TMEM127: variants seen among roughly 807,000 people sequenced by gnomAD.
The protein encoded by TMEM127 is transmembrane protein 127.
A neutral mutation model predicts 20.1 loss-of-function variants in TMEM127; 21 were observed. The observed-to-expected ratio is 1.04, with a 90% CI of 0.74 to 1.50. TMEM127 has a LOEUF of 1.50. Ranked by LOEUF, TMEM127 falls within the 40% of genes most tolerant of loss-of-function variation. The probability of loss-of-function intolerance (pLI) is 0.00; values close to 1 mark genes in which losing one functional copy is unlikely to be tolerated. For synonymous variants in TMEM127, 150 were observed against 144.7 expected (o/e 1.04, Z -0.26); for missense variants, 303 against 317.4 (o/e 0.95, Z 0.34).
chr2:96,264,260 A>T (rs574328836), intron 2 of TMEM127, among the ~76,000 whole-genome samples: 38 of 152,322 alleles, frequency 2.5e-4, no homozygotes, highest in Admixed American at 1.0e-3. Flanking sequence ...ATCTAACAGG[A>T]AGTGCTTCTG....
Position 96,250,341 on chromosome 2 carries a change from C to T in TMEM127, c.*3467G>A, listed in dbSNP as rs144342199. 6 of 232,846 alleles carry T rather than the reference C, an allele frequency of 2.6e-5. No homozygotes were observed. Among genetic ancestry groups the T allele is most frequent in the African/African-American group, 1.3e-4 (6 of 45,434 alleles). The allele number at this position is 232,846 out of a possible 1,614,324, so 14.4% of individuals were successfully genotyped here. ...ACTCCCACATCAAGTGTGGCTCAAG[C>T]TGCGTCCTCCAGGAAGCCTTTCATT... On this transcript the variant is annotated 3_prime_UTR_variant, in exon 4 of 4. Transcript: ENST00000258439.
At chr2:96,264,072 A>C (rs1026841937) in intron 2 of TMEM127, among the ~76,000 whole-genome samples, 3 of 152,140 alleles carry the variant, frequency 2.0e-5, no homozygotes, top group Non-Finnish European at 4.4e-5. Flanking sequence ...AGCTTCTAAA[A>C]CTCAAGAGAG....
intron 2 of TMEM127, among the ~76,000 whole-genome samples, chr2:96,263,110 G>A (rs1346597082): frequency 6.7e-6 from 1 of 150,238 alleles, no homozygotes; most frequent in African/African-American, 2.5e-5. Context: ...GGAGTGCAGT[G>A]GTGTGATCTT....
chr2:96,262,149 C>G lies in TMEM127; in HGVS notation c.244+2989G>C, dbSNP rs549471113. On this transcript the variant is annotated intron_variant, in intron 2 of 3. Coordinates refer to ENST00000258439, the MANE Select transcript of TMEM127 (RefSeq NM_017849.4). ...GGTGGAGCACCTGTAATTCCAACTA[C>G]TCGTGAGGCTGAGACAGGAGAATTG... Among the ~76,000 whole-genome samples, 152 of 152,086 alleles carry G rather than the reference C, an allele frequency of 1.0e-3. 4 individuals carry two copies. In the South Asian group the frequency reaches 0.031, roughly 31 times the overall value.
At chr2:96,254,367 C>A (rs953638496) in intron 3 of TMEM127, among the ~76,000 whole-genome samples, 7 of 152,134 alleles carry the variant, frequency 4.6e-5, no homozygotes, top group African/African-American at 1.7e-4. Context: ...AGCTTGGGAG[C>A]TGGAGTAGGC....
intron 2 of TMEM127, among the ~76,000 whole-genome samples, chr2:96,263,637 TATAA>T (rs139551917): frequency 2.2e-4 from 34 of 152,266 alleles, no homozygotes; most frequent in African/African-American, 7.0e-4. Flanking sequence ...GGATAAAAAC[TATAA>T]ATGACACGGC....
At position 96,257,358 on chromosome 2, in the gene TMEM127, G is replaced by A. The variant is rs191090018; in HGVS notation, c.245-2361C>T. Among the ~76,000 whole-genome samples the A allele has an allele frequency of 3.0e-3, 450 of 151,712 alleles. 1 individual carries two copies. The highest frequency in any genetic ancestry group is 5.1e-3 in the Non-Finnish European group (345 of 67,870). ...GCGCCTGTAGTCCCAGCTACTCGGG[G>A]GGCTGAGGCAGGAGAATCGCTTGAA... On this transcript the variant is annotated intron_variant, in intron 2 of 3. Transcript: ENST00000258439.
chr2:96,262,465 T>C (rs1485976204), intron 2 of TMEM127, among the ~76,000 whole-genome samples: 1 of 152,102 alleles, frequency 6.6e-6, no homozygotes. Flanking sequence ...GGAGAGAAGA[T>C]GCAATCAAGG....
rs190455520 is a variant in TMEM127 at position 96,249,933 on chromosome 2, G to A, written c.*3875C>T. The A allele has an allele frequency of 5.1e-5, 12 of 233,158 alleles. No homozygotes were observed. Among genetic ancestry groups the A allele is most frequent in the South Asian group, 1.8e-4 (1 of 5,524 alleles). The allele number at this position is 233,158 out of a possible 1,614,324, so 14.4% of individuals were successfully genotyped here. ...GCTTCTCGTGTGCGGGCCCCTCTTC[G>A]CCTGTGCAGTTGATGCCACCTTCCA... On this transcript the variant is annotated 3_prime_UTR_variant, in exon 4 of 4. Coordinates refer to ENST00000258439, the MANE Select transcript of TMEM127 (RefSeq NM_017849.4).
At chr2:96,256,511 C>A (rs1164898583) in intron 2 of TMEM127, among the ~76,000 whole-genome samples, 1 of 143,058 alleles carries the variant, frequency 7.0e-6, no homozygotes, top group African/African-American at 2.6e-5. Flanking sequence ...ATGGAGGTTG[C>A]GGTGAGCCGA....
rs72937657 is a variant in TMEM127 at position 96,262,509 on chromosome 2, G to A, written c.244+2629C>T. Among the ~76,000 whole-genome samples the A allele has an allele frequency of 2.5e-3, 375 of 152,284 alleles. 2 individuals carry two copies. The highest frequency in any genetic ancestry group is 8.5e-3 in the African/African-American group (352 of 41,548). ...ATTCCTTACTGATTCTTCTGTGATA[G>A]CTCATGAGGCACCACTGCCAACTCT... On this transcript the variant is annotated intron_variant, in intron 2 of 3. Coordinates refer to ENST00000258439, the MANE Select transcript of TMEM127 (RefSeq NM_017849.4).
rs995979769 is a variant in TMEM127, at chr2:96,265,249, A to T, written c.133T>A (p.Cys45Ser). The stretch of plus-strand genomic sequence containing the variant: ...CAGGCGGGCTCGGCGAGGGCAGTGC[A>T]CAGCGCCGTGATAGACAGGGCGCCA... ...LPGALSITAL[C>S]TALAEPAWLH... Residue 45 changes from cysteine (C) to serine (S), a missense_variant, in exon 2 of 4, where the codon TGC becomes AGC. Coordinates refer to ENST00000258439, the MANE Select transcript of TMEM127 (RefSeq NM_017849.4). 29 of 1,594,012 alleles carry T rather than the reference A, an allele frequency of 1.8e-5. No individual in the cohort carries two copies. Among genetic ancestry groups the T allele is most frequent in the Non-Finnish European group, 2.3e-5 (27 of 1,174,414 alleles).
At chr2:96,263,662 A>G (rs984091223) in intron 2 of TMEM127, among the ~76,000 whole-genome samples, 4 of 152,218 alleles carry the variant, frequency 2.6e-5, no homozygotes, top group African/African-American at 9.6e-5. Context: ...ATCATTTTAT[A>G]TTGGCATCAA....
At chr2:96,256,083 C>T (rs901729252) in intron 2 of TMEM127, among the ~76,000 whole-genome samples, 5 of 151,342 alleles carry the variant, frequency 3.3e-5, no homozygotes, top group South Asian at 4.2e-4. Flanking sequence ...CCATCTTGGC[C>T]AACATGGTGA....
chr2:96,262,482 G>A (rs946153407), intron 2 of TMEM127, among the ~76,000 whole-genome samples: 10 of 152,178 alleles, frequency 6.6e-5, no homozygotes, highest in Middle Eastern at 3.4e-3. Context: ...AAGGACTTCC[G>A]GATTCCTTAC....
chr2:96,264,641 A>C (rs1238661852), intron 2 of TMEM127, among the ~76,000 whole-genome samples: 6 of 152,252 alleles, frequency 3.9e-5, no homozygotes, highest in Non-Finnish European at 8.8e-5. Context: ...CGACTGTTGT[A>C]CTGCGGGTGG....
At position 96,251,004 on chromosome 2, in the gene TMEM127, C is replaced by G; in HGVS notation, c.*2804G>C. The G allele has an allele frequency of 8.9e-6, 2 of 225,344 alleles. No homozygotes were observed. Among genetic ancestry groups the G allele is most frequent in the Non-Finnish European group, 8.8e-6 (1 of 113,060 alleles). 14.0% of individuals were successfully genotyped at this position (225,344 alleles called of 1,614,324 possible). ...AAGTCTATTTCCTCCCACAGGATGG[C>G]TAGAGTTTAGGAGCCACGTTCTCCT... On this transcript the variant is annotated 3_prime_UTR_variant, in exon 4 of 4. Coordinates refer to ENST00000258439, the MANE Select transcript of TMEM127 (RefSeq NM_017849.4).
At chr2:96,263,780 G>T (rs1255601825) in intron 2 of TMEM127, among the ~76,000 whole-genome samples, 1 of 152,020 alleles carries the variant, frequency 6.6e-6, no homozygotes, top group Admixed American at 6.6e-5. Flanking sequence ...GCTAGATTTC[G>T]GAGATCTAGC....
chr2:96,262,836 G>T (rs58926149), intron 2 of TMEM127, among the ~76,000 whole-genome samples: 119 of 151,894 alleles, frequency 7.8e-4, no homozygotes, highest in African/African-American at 2.5e-3. Context: ...CAGCCACTAG[G>T]CCTGGCTAAT....
Sources: allele counts gnomAD v4.1 joint callset (sites outside exome capture counted in the v4.1 genomes callset), GRCh38; gene constraint gnomAD v4.1.1; transcripts MANE v1.5; gene names NCBI Gene and HGNC (gene_info 2026-07-23, HGNC 2026-07-21).